The following TEX26 variants were observed in gnomAD, a reference collection of about 807,000 sequenced individuals.
TEX26 encodes the protein testis-expressed protein 26.
In TEX26, 34 loss-of-function variants were observed where a neutral mutation model predicts 35.3. The ratio of observed to expected loss-of-function variants is 0.96; its 90% CI spans 0.73 to 1.28. The LOEUF is 1.28. TEX26 is among the 50% of genes most tolerant of loss of function. The probability of loss-of-function intolerance (pLI) is 0.00; values close to 1 mark genes in which losing one functional copy is unlikely to be tolerated. For missense variants in TEX26, 371 were observed against 330.1 expected (o/e 1.12, Z -0.96); for synonymous variants, 136 against 111.8 (o/e 1.22, Z -1.36).
intron 5 of TEX26, among the ~76,000 whole-genome samples, chr13:30,967,034 G>A (rs1047769116): frequency 6.6e-6 from 1 of 152,208 alleles, no homozygotes; most frequent in African/African-American, 2.4e-5. Context: ...AGGGAAGGAT[G>A]CAGTTGCTGT....
At chr13:30,955,320 C>T (rs1163195492) in intron 3 of TEX26, among the ~76,000 whole-genome samples, 1 of 152,220 alleles carries the variant, frequency 6.6e-6, no homozygotes, top group Non-Finnish European at 1.5e-5. Context: ...TCTGGATACA[C>T]CTGCCAATTT....
intron 4 of TEX26, among the ~76,000 whole-genome samples, chr13:30,960,287 G>A (rs1025690080): frequency 3.3e-5 from 5 of 152,138 alleles, no homozygotes; most frequent in Non-Finnish European, 5.9e-5. Flanking sequence ...ATCTCCACCA[G>A]GCTGGAGTGC....
Position 30,962,355 on chromosome 13 carries a change from G to A in TEX26, c.470-3867G>A, listed in dbSNP as rs377145212. On this transcript the variant is annotated intron_variant, in intron 4 of 6. Coordinates refer to ENST00000380473, the MANE Select transcript of TEX26 (RefSeq NM_152325.3). ...CCCCACCCTCATGACCTTGCCAGCCGTCCCGACTAACAGCCTCCGCATACC... is the reference window on the plus strand; with the variant it reads ...CCCCACCCTCATGACCTTGCCAGCCATCCCGACTAACAGCCTCCGCATACC... Among the ~76,000 whole-genome samples, 236 of 152,232 alleles carry A rather than the reference G, an allele frequency of 1.6e-3. 1 individual carries two copies. Among genetic ancestry groups the A allele is most frequent in the Non-Finnish European group, 1.7e-3 (117 of 68,014 alleles).
At chr13:30,970,174 T>A (rs1239357619) in intron 6 of TEX26, among the ~76,000 whole-genome samples, 1 of 3,060 alleles carries the variant, frequency 3.3e-4, no homozygotes, top group Non-Finnish European at 7.2e-4. Flanking sequence ...TGTGAGTGTG[T>A]GTGTGTGTGT....
chr13:30,955,960 G>T (rs765640882), intron 3 of TEX26, among the ~76,000 whole-genome samples: 1 of 152,126 alleles, frequency 6.6e-6, no homozygotes, highest in Non-Finnish European at 1.5e-5. Context: ...AAAGAGGGAC[G>T]ATGGCAAGAG....
intron 1 of TEX26, among the ~76,000 whole-genome samples, chr13:30,934,539 G>A (rs1953194829): frequency 6.6e-6 from 1 of 152,198 alleles, no homozygotes; most frequent in African/African-American, 2.4e-5. Context: ...ATCAAGGTCT[G>A]GACAAGTCTG....
At chr13:30,968,072 C>A (rs1566167503) in intron 5 of TEX26, among the ~76,000 whole-genome samples, 1 of 152,150 alleles carries the variant, frequency 6.6e-6, no homozygotes, top group South Asian at 2.1e-4. Flanking sequence ...TTCCTCTTTA[C>A]CCTCTGAAGG....
At chr13:30,953,477 G>T (rs191556469) in intron 3 of TEX26, among the ~76,000 whole-genome samples, 5 of 152,318 alleles carry the variant, frequency 3.3e-5, no homozygotes, top group Admixed American at 2.0e-4. Flanking sequence ...ATAAACCACA[G>T]TTTGTCTGTG....
At chr13:30,957,168 A>C (rs1014873600) in intron 4 of TEX26, 139 bp downstream of exon 4, 11 of 816,590 alleles carry the variant, frequency 1.3e-5, no homozygotes, top group Non-Finnish European at 7.5e-6. Flanking sequence ...GCAAATAAAA[A>C]CCATCAAGTA....
chr13:30,943,062 C>T (rs888291351), intron 2 of TEX26, among the ~76,000 whole-genome samples: 1 of 152,014 alleles, frequency 6.6e-6, no homozygotes, highest in African/African-American at 2.4e-5. Context: ...TGCATTGACT[C>T]TGTAGATTGC....
In TEX26 at chr13:30,955,466, CA is replaced by C. The variant is rs1423680072; in HGVS notation, c.313-1406del. On this transcript the variant is annotated intron_variant, in intron 3 of 6. Transcript: ENST00000380473. ...TCATAATTTTATGTATTGGTTTTTC[CA>C]GTTGATAGATTGTGAGGGAAAGAAG... Among the ~76,000 whole-genome samples, 6 of 152,222 alleles carry C rather than the reference CA, an allele frequency of 3.9e-5. No individual in the cohort carries two copies. The East Asian group carries it at 1.2e-3, about 29-fold the overall frequency.
intron 4 of TEX26, among the ~76,000 whole-genome samples, chr13:30,961,963 C>A (rs1954361103): frequency 6.6e-6 from 1 of 152,142 alleles, no homozygotes; most frequent in Non-Finnish European, 1.5e-5. Context: ...ACATTTGTAT[C>A]TCTTCCCAAA....
intron 3 of TEX26, among the ~76,000 whole-genome samples, chr13:30,954,871 T>G (rs1384104319): frequency 2.0e-5 from 3 of 152,254 alleles, no homozygotes; most frequent in East Asian, 3.8e-4. Flanking sequence ...TAATTTTCCC[T>G]TCCTCTAAGT....
Position 30,975,359 on chromosome 13 carries a change from A to T in TEX26, c.*452A>T, listed in dbSNP as rs910960830. The T allele has an allele frequency of 1.3e-5, 2 of 152,364 alleles. No individual in the cohort carries two copies. The highest frequency in any genetic ancestry group is 2.4e-5 in the African/African-American group (1 of 41,450). 9.4% of individuals were successfully genotyped at this position (152,364 alleles called of 1,614,324 possible). On this transcript the variant is annotated 3_prime_UTR_variant, in exon 7 of 7. Transcript: ENST00000380473. Reference sequence around the variant, plus strand: ...TTTAATGCCATTAATCAAGTATATGATTAATTTGTGTGTTACGTGAATATG... The same window carrying T: ...TTTAATGCCATTAATCAAGTATATGTTTAATTTGTGTGTTACGTGAATATG...
intron 4 of TEX26, among the ~76,000 whole-genome samples, chr13:30,959,451 T>A (rs7321570): frequency 0.14 from 21,896 of 152,234 alleles, 1,683 homozygotes; most frequent in African/African-American, 0.19. Flanking sequence ...TGGCCCTCCA[T>A]CCATCATGTC....
chr13:30,943,393 A>T (rs1404961872), intron 2 of TEX26, among the ~76,000 whole-genome samples: 1 of 151,776 alleles, frequency 6.6e-6, no homozygotes, highest in Non-Finnish European at 1.5e-5. Flanking sequence ...TAGGTATATG[A>T]TCATATCATC....
chr13:30,939,216 A>T (rs1418329203), intron 1 of TEX26, among the ~76,000 whole-genome samples: 1 of 152,222 alleles, frequency 6.6e-6, no homozygotes, highest in Non-Finnish European at 1.5e-5. Context: ...GGGAGGAGGG[A>T]TAGGAAGGAG....
At chr13:30,940,904 C>T (rs61947600) in intron 2 of TEX26, among the ~76,000 whole-genome samples, 2,818 of 152,200 alleles carry the variant, frequency 0.019, 41 homozygotes, top group African/African-American at 0.038. Context: ...CACCACTGCA[C>T]TCCAGCCTGT....
chr13:30,937,004 AAG>A (rs1442289587), intron 1 of TEX26: 1 of 984,658 alleles, frequency 1.0e-6, no homozygotes, highest in Non-Finnish European at 1.2e-6. Flanking sequence ...CCCTTACAAA[AAG>A]AGTTGTAGTA....
Sources: allele counts gnomAD v4.1 joint callset (sites outside exome capture counted in the v4.1 genomes callset), GRCh38; gene constraint gnomAD v4.1.1; transcripts MANE v1.5; gene names NCBI Gene and HGNC (gene_info 2026-07-23, HGNC 2026-07-21).